Variants in ELP3 observed in about 807,000 individuals in gnomAD.
ELP3 encodes the protein elongator acetyltransferase complex subunit 3.
Under a neutral mutation model 74.9 loss-of-function variants are expected in ELP3, and 56 were observed. The ratio of observed to expected loss-of-function variants is 0.75; its 90% CI spans 0.60 to 0.93. The LOEUF is 0.93. Ranked by LOEUF, ELP3 falls within the 40% of genes least tolerant of loss-of-function variation. The pLI is 0.00. For missense variants in ELP3, 573 were observed against 686.5 expected (o/e 0.83, Z 1.85); for synonymous variants, 222 against 239.8 (o/e 0.93, Z 0.68).
chr8:28,095,580 A>G (rs1486804393), intron 1 of ELP3, among the ~76,000 whole-genome samples: 1 of 152,144 alleles, frequency 6.6e-6, no homozygotes, highest in African/African-American at 2.4e-5. Flanking sequence ...GATGGACTTT[A>G]TTTCTCTCAA....
At chr8:28,183,629 T>G (rs1259588621) in intron 14 of ELP3, among the ~76,000 whole-genome samples, 14 of 152,176 alleles carry the variant, frequency 9.2e-5, no homozygotes. Flanking sequence ...TTTGCCATGT[T>G]GCCCAGGCTG....
chr8:28,092,717 T>TA (rs1811087124), upstream of ELP3: 1 of 204,654 alleles, frequency 4.9e-6, no homozygotes, highest in African/African-American at 2.4e-5. Context: ...CCGCCTGGTC[T>TA]CTTCCAGGCC....
chr8:28,185,499 C>T (rs1815201019), intron 14 of ELP3, among the ~76,000 whole-genome samples: 1 of 152,170 alleles, frequency 6.6e-6, no homozygotes. Context: ...AGCTGACATC[C>T]TAGGGAGGGA....
intron 13 of ELP3, among the ~76,000 whole-genome samples, chr8:28,161,791 C>G (rs1814102625): frequency 6.6e-6 from 1 of 152,148 alleles, no homozygotes; most frequent in Non-Finnish European, 1.5e-5. Flanking sequence ...AGTTCTTGTT[C>G]AAAAGTTACA....
At chr8:28,095,850 G>A (rs552428993) in intron 1 of ELP3, among the ~76,000 whole-genome samples, 53 of 152,254 alleles carry the variant, frequency 3.5e-4, no homozygotes, top group African/African-American at 1.1e-3. Flanking sequence ...TTCCATCCAC[G>A]CTTTCATTAT....
At chr8:28,105,697 A>G (rs566180121) in intron 3 of ELP3, among the ~76,000 whole-genome samples, 5 of 152,342 alleles carry the variant, frequency 3.3e-5, no homozygotes, top group Non-Finnish European at 7.4e-5. Context: ...ATTGGCCACA[A>G]TACCTTTAAT....
In ELP3 at chr8:28,106,736, CA is replaced by C; in HGVS notation, c.285del (p.Lys95AsnfsTer41). Reference protein sequence around the residue: ...SGIAVVAVMCKPHRCPHISFT... With the variant: ...SGIAVVAVMCXPHRCPHISFT... ...AGATTGCTGTCGTGGCTGTGATGTG[CA>C]AACCCCACAGATGTCCACACATCAG... On this transcript the variant is annotated frameshift_variant, in exon 4 of 15. Transcript: ENST00000256398. LOFTEE classifies it high-confidence loss of function. 6.2e-7 allele frequency: 1 copy of C among 1,612,708 alleles called. No homozygotes were observed. Among genetic ancestry groups the C allele is most frequent in the Non-Finnish European group, 8.5e-7 (1 of 1,179,646 alleles).
chr8:28,106,269 G>A (rs112921643), intron 3 of ELP3, among the ~76,000 whole-genome samples: 24 of 152,106 alleles, frequency 1.6e-4, no homozygotes, highest in East Asian at 5.8e-4. Context: ...GGCCGGGCGC[G>A]GTGGCTCACG....
chr8:28,190,234 G>A lies in ELP3; in HGVS notation c.*509G>A, dbSNP rs577729473. ...AGGAAAATGAGCTTTTGTTTTCATG[G>A]AAATCATTCTGATTACAGTGCTGAT... is the stretch of plus-strand genomic sequence containing the variant. On this transcript the variant is annotated 3_prime_UTR_variant, in exon 15 of 15. Coordinates refer to ENST00000256398, the MANE Select transcript of ELP3 (RefSeq NM_018091.6). 1 of 153,518 alleles carries A rather than the reference G, an allele frequency of 6.5e-6. No homozygotes were observed. Among genetic ancestry groups the A allele is most frequent in the Admixed American group, 6.5e-5 (1 of 15,404 alleles). 9.5% of individuals were successfully genotyped at this position (153,518 alleles called of 1,614,324 possible).
intron 14 of ELP3, among the ~76,000 whole-genome samples, chr8:28,163,069 T>G (rs1314854198): frequency 6.6e-6 from 1 of 152,198 alleles, no homozygotes; most frequent in Non-Finnish European, 1.5e-5. Flanking sequence ...ATCAGGAGCT[T>G]CCCCATTCCT....
intron 1 of ELP3, among the ~76,000 whole-genome samples, chr8:28,096,120 G>A (rs1255454478): frequency 6.6e-6 from 1 of 152,164 alleles, no homozygotes; most frequent in Non-Finnish European, 1.5e-5. Context: ...TCTAGGTTGT[G>A]TGCTCCTTAT....
rs967847642 is a variant in ELP3, at chr8:28,171,001, T to C, written c.1567+8923T>C. ...TAATGTCTTCAGTGCTCATCCATGC[T>C]GTAGCATGTCTCAGAATTTGCTTCC... On this transcript the variant is annotated intron_variant, in intron 14 of 14. Transcript: ENST00000256398. Among the ~76,000 whole-genome samples, 9 of 152,356 alleles carry C rather than the reference T, an allele frequency of 5.9e-5. No homozygotes were observed. In the East Asian group the frequency reaches 1.5e-3, roughly 26 times the overall value.
chr8:28,156,756 C>CA (rs1405125979), intron 11 of ELP3, among the ~76,000 whole-genome samples: 6 of 152,112 alleles, frequency 3.9e-5, no homozygotes, highest in Non-Finnish European at 2.9e-5. Context: ...TTCTCATGCA[C>CA]AATTCAGATT....
intron 10 of ELP3, among the ~76,000 whole-genome samples, chr8:28,146,912 A>G (rs987757662): frequency 6.6e-6 from 1 of 152,194 alleles, no homozygotes; most frequent in Admixed American, 6.5e-5. Context: ...TGTCAGCATC[A>G]ATGTGAATGC....
chr8:28,170,078 C>G (rs1486167594), intron 14 of ELP3, among the ~76,000 whole-genome samples: 4 of 152,304 alleles, frequency 2.6e-5, no homozygotes, highest in Middle Eastern at 6.8e-3. Context: ...TTAGACAAGT[C>G]TGTGAATACC....
At chr8:28,163,592 A>G (rs1380134044) in intron 14 of ELP3, among the ~76,000 whole-genome samples, 1 of 151,532 alleles carries the variant, frequency 6.6e-6, no homozygotes, top group Non-Finnish European at 1.5e-5. Context: ...TTCATCGCAC[A>G]AAGAGGTAAC....
At chr8:28,152,866 G>A (rs1212254913) in intron 10 of ELP3, among the ~76,000 whole-genome samples, 1 of 152,176 alleles carries the variant, frequency 6.6e-6, no homozygotes, top group Admixed American at 6.5e-5. Flanking sequence ...TATTCTAACA[G>A]TTGTGTAGTT....
chr8:28,149,530 T>C lies in ELP3; in HGVS notation c.1101-6412T>C, dbSNP rs116812137. Among the ~76,000 whole-genome samples the C allele has an allele frequency of 3.9e-3, 595 of 152,332 alleles. 8 individuals are homozygous for C. The highest frequency in any genetic ancestry group is 0.014 in the African/African-American group (569 of 41,576). ...GTGGGCTCCGTAGTGATGTCTCCTC[T>C]TTCACTTCTGATACTAAGCGTTTCC... is the stretch of plus-strand genomic sequence containing the variant. On this transcript the variant is annotated intron_variant, in intron 10 of 14. Transcript: ENST00000256398.
upstream of ELP3, among the ~76,000 whole-genome samples, chr8:28,092,482 G>A (rs1481451120): frequency 6.6e-6 from 1 of 152,124 alleles, no homozygotes; most frequent in African/African-American, 2.4e-5. Flanking sequence ...GCTGGCCTTG[G>A]CCTCCTGAGA....
Sources: allele counts gnomAD v4.1 joint callset (sites outside exome capture counted in the v4.1 genomes callset), GRCh38; gene constraint gnomAD v4.1.1; transcripts MANE v1.5; gene names NCBI Gene and HGNC (gene_info 2026-07-23, HGNC 2026-07-21).